VAV3: variants seen among roughly 807,000 people sequenced by gnomAD.
VAV3 encodes vav guanine nucleotide exchange factor 3, also known as guanine nucleotide exchange factor VAV3.
Under a neutral mutation model 131.2 loss-of-function variants are expected in VAV3, and 94 were observed. The observed-to-expected ratio is 0.72, with a 90% confidence interval of 0.61 to 0.85. The LOEUF (loss-of-function observed/expected upper bound fraction) is 0.85, where lower values mean the gene tolerates loss of function less well. Ranked by LOEUF, VAV3 falls within the 40% of genes least tolerant of loss-of-function variation. VAV3 has a pLI of 0.00. For missense variants in VAV3, 939 were observed against 1,002.7 expected, an observed-to-expected ratio of 0.94 and a Z score of 0.86; for synonymous variants, 349 against 342.0, an observed-to-expected ratio of 1.02 and a Z score of -0.22.
intron 15 of VAV3, among the ~76,000 whole-genome samples, chr1:107,713,173 GA>G (rs140128004): frequency 1.3e-5 from 2 of 152,224 alleles, no homozygotes; most frequent in African/African-American, 4.8e-5. Flanking sequence ...CTGCCTTCAT[GA>G]GGCTTATATT....
chr1:107,780,915 G>C (rs1319262350), intron 2 of VAV3, among the ~76,000 whole-genome samples: 1 of 152,168 alleles, frequency 6.6e-6, no homozygotes, highest in Non-Finnish European at 1.5e-5. Flanking sequence ...TATTCAGAAT[G>C]ATAGTAAAAA....
chr1:107,704,783 G>T, intron 16 of VAV3, 133 bp from the exon 17 acceptor site: 1 of 971,460 alleles, frequency 1.0e-6, no homozygotes, highest in Non-Finnish European at 1.5e-6. Flanking sequence ...AGACGAGCTT[G>T]CCAGAGCTTC....
intron 2 of VAV3, among the ~76,000 whole-genome samples, chr1:107,783,163 G>T (rs549463432): frequency 1.3e-5 from 2 of 152,182 alleles, no homozygotes; most frequent in Non-Finnish European, 2.9e-5. Context: ...GGTAGACAAA[G>T]GGTTCTGCAA....
intron 2 of VAV3, among the ~76,000 whole-genome samples, chr1:107,794,127 C>T (rs1396008733): frequency 6.6e-6 from 1 of 152,226 alleles, no homozygotes; most frequent in Non-Finnish European, 1.5e-5. Flanking sequence ...TGAAAACTGA[C>T]CCAGAACTGT....
intron 1 of VAV3, chr1:107,963,635 G>A (rs192243631): frequency 4.6e-5 from 7 of 152,332 alleles, no homozygotes; most frequent in Admixed American, 3.9e-4. Flanking sequence ...TTCTTAAAAG[G>A]CGCTGCTCTG....
chr1:107,586,219 A>G (rs1650480827), intron 25 of VAV3, among the ~76,000 whole-genome samples: 1 of 150,804 alleles, frequency 6.6e-6, no homozygotes, highest in African/African-American at 2.4e-5. Context: ...TCCATTAGCT[A>G]CCTTCCCTAC....
chr1:107,751,339 T>C (rs547984912), intron 12 of VAV3, 137 bp from the exon 13 acceptor site: 1 of 707,084 alleles, frequency 1.4e-6, no homozygotes, highest in South Asian at 2.2e-5. Flanking sequence ...TAAAGCATAC[T>C]TACTCTAAAA....
rs887693081 is a variant in VAV3, at chr1:107,571,447, C to G, written c.*1884G>C. Reference sequence around the variant, plus strand: ...AGGCCCATGAAATGCAACAGGAAGACTAAACACCATTTATAAGGAGAGGGT... The same window carrying G: ...AGGCCCATGAAATGCAACAGGAAGAGTAAACACCATTTATAAGGAGAGGGT... On this transcript the variant is annotated 3_prime_UTR_variant, in exon 27 of 27. Transcript: ENST00000370056. The G allele has an allele frequency of 1.3e-5, 2 of 152,752 alleles. No homozygotes were observed. The highest frequency in any genetic ancestry group is 3.9e-4 in the East Asian group (2 of 5,192). The allele number at this position is 152,752 out of a possible 1,614,324, so 9.5% of individuals were successfully genotyped here.
chr1:107,781,766 T>C (rs1665704673), intron 2 of VAV3, among the ~76,000 whole-genome samples: 2 of 152,200 alleles, frequency 1.3e-5, no homozygotes, highest in African/African-American at 4.8e-5. Context: ...ATGTCGAACA[T>C]CTAATGTCAA....
intron 2 of VAV3, among the ~76,000 whole-genome samples, chr1:107,783,965 CAGG>C (rs1665843989): frequency 6.6e-6 from 1 of 151,266 alleles, no homozygotes; most frequent in Non-Finnish European, 1.5e-5. Context: ...GAGGCTGAGG[CAGG>C]AGAATGGTGT....
chr1:107,952,444 G>A lies in VAV3; in HGVS notation c.204+12222C>T, dbSNP rs1674586259. 1.5e-5 allele frequency among the ~76,000 whole-genome samples: 2 copies of A among 131,572 alleles called. 1 individual carries two copies. Among genetic ancestry groups the A allele is most frequent in the African/African-American group, 6.1e-5 (2 of 32,816 alleles). 86.3% of individuals were successfully genotyped at this position (131,572 alleles called of 152,430 possible). A position where few individuals can be genotyped will look rare whatever the true frequency, so the allele number is the denominator to read the frequency against. ...TTACCTATGTAACAAACCTGCACAT[G>A]TGCCCCGAACTTATAACAAAACTTT... On this transcript the variant is annotated intron_variant, in intron 1 of 26. Transcript: ENST00000370056.
At chr1:107,724,289 T>C (rs956329826) in intron 15 of VAV3, among the ~76,000 whole-genome samples, 14 of 151,902 alleles carry the variant, frequency 9.2e-5, no homozygotes, top group African/African-American at 3.4e-4. Flanking sequence ...CCCTGCAACA[T>C]AGGTCCCCAC....
At chr1:107,841,637 G>C (rs1378443434) in intron 2 of VAV3, among the ~76,000 whole-genome samples, 1 of 152,114 alleles carries the variant, frequency 6.6e-6, no homozygotes, top group Non-Finnish European at 1.5e-5. Flanking sequence ...TAACTGCGAT[G>C]GGAAGTAGAA....
intron 11 of VAV3, among the ~76,000 whole-genome samples, chr1:107,755,745 G>C (rs1664067363): frequency 6.6e-6 from 1 of 152,182 alleles, no homozygotes. Flanking sequence ...ACACCACTGA[G>C]AAGAGTCAGG....
At chr1:107,843,881 G>A (rs946535126) in intron 2 of VAV3, among the ~76,000 whole-genome samples, 3 of 152,168 alleles carry the variant, frequency 2.0e-5, no homozygotes, top group Admixed American at 2.0e-4. Context: ...ATTCTTCCTG[G>A]AAAAGGGAGA....
At chr1:107,942,367 T>C (rs1674039220) in intron 1 of VAV3, among the ~76,000 whole-genome samples, 1 of 152,184 alleles carries the variant, frequency 6.6e-6, no homozygotes, top group South Asian at 2.1e-4. Context: ...GTGTACAAAA[T>C]GCAAGACCAT....
intron 2 of VAV3, among the ~76,000 whole-genome samples, chr1:107,802,442 A>C (rs1307492530): frequency 6.6e-6 from 1 of 151,960 alleles, no homozygotes; most frequent in Non-Finnish European, 1.5e-5. Flanking sequence ...AAGGCCTTCA[A>C]TTTTTCCCCA....
rs140851854 is a variant in VAV3, at chr1:107,757,461, C to T, written c.1018-132G>A. Reference sequence around the variant, plus strand: ...ATGTGATAAATCTAATATGTCTGGGCTCCATTTCCATCAAAAATTTCAAAC... The same window carrying T: ...ATGTGATAAATCTAATATGTCTGGGTTCCATTTCCATCAAAAATTTCAAAC... On this transcript the variant is annotated intron_variant, in intron 10 of 26. Transcript: ENST00000370056. 1.3e-3 allele frequency: 1,011 copies of T among 768,294 alleles called. 7 individuals are homozygous for T. The African/African-American group carries it at 0.015, about 12-fold the overall frequency. The allele number at this position is 768,294 out of a possible 1,614,324, so 47.6% of individuals were successfully genotyped here.
chr1:107,769,898 T>G (rs1664943228), intron 6 of VAV3, among the ~76,000 whole-genome samples: 1 of 152,206 alleles, frequency 6.6e-6, no homozygotes, highest in Non-Finnish European at 1.5e-5. Context: ...TACCACCATT[T>G]TTGTCATCTC....
Sources: allele counts gnomAD v4.1 joint callset (sites outside exome capture counted in the v4.1 genomes callset), GRCh38; gene constraint gnomAD v4.1.1; transcripts MANE v1.5; gene names NCBI Gene and HGNC (gene_info 2026-07-23, HGNC 2026-07-21).